The following SLC4A7 variants were observed in gnomAD, a reference collection of about 807,000 sequenced individuals.
The protein encoded by SLC4A7 is sodium bicarbonate cotransporter 3.
A neutral mutation model predicts 137.6 loss-of-function variants in SLC4A7; 51 were observed. The ratio of observed to expected loss-of-function variants is 0.37; its 90% confidence interval spans 0.30 to 0.47. The LOEUF (loss-of-function observed/expected upper bound fraction) is 0.47. Among genes scored for constraint, SLC4A7 ranks in the 20% least tolerant of loss-of-function variants. The pLI is 1.00. For missense variants in SLC4A7, 1,247 were observed against 1,525.4 expected (o/e 0.82, Z 3.04); for synonymous variants, 542 against 518.6 (o/e 1.05, Z -0.61).
In SLC4A7 at chr3:27,374,500, C is replaced by T. The variant is rs1415910047; in HGVS notation, c.*2264G>A. On this transcript the variant is annotated 3_prime_UTR_variant, in exon 26 of 26. Coordinates refer to ENST00000454389, the MANE Select transcript of SLC4A7 (RefSeq NM_001321103.2). ...AAAAACAGTGGAAGAAATATAATCA[C>T]TTAAAACAAGCAGTTAATTACCTAA... 6.6e-6 allele frequency: 1 copy of T among 152,438 alleles called. No homozygotes were observed. Among genetic ancestry groups the T allele is most frequent in the Non-Finnish European group, 1.5e-5 (1 of 67,914 alleles). 9.4% of individuals were successfully genotyped at this position (152,438 alleles called of 1,614,324 possible).
chr3:27,426,074 T>C (rs1220814967), intron 7 of SLC4A7, among the ~76,000 whole-genome samples: 1 of 152,206 alleles, frequency 6.6e-6, no homozygotes, highest in Admixed American at 6.5e-5. Context: ...CAGAATATAC[T>C]ATAACCAATG....
Position 27,411,707 on chromosome 3 carries a change from G to A in SLC4A7, c.1701C>T (p.Pro567=). 2.6e-6 allele frequency: 4 copies of A among 1,559,868 alleles called. No homozygotes were observed. The highest frequency in any genetic ancestry group is 3.5e-6 in the Non-Finnish European group (4 of 1,149,738). ...CCTCTTTAGGAGTCTCACCCAGTGT[G>A]GGGGTAGATCCATTGTGAAACACAG... is the stretch of plus-strand genomic sequence containing the variant. The part of the protein sequence containing the change: ...KIPVFHNGST[P]TLGETPKEAA... The change falls in exon 12 of 26, where the codon CCC becomes CCT. Residue 567 remains proline (P), a synonymous_variant. Transcript: ENST00000454389.
intron 1 of SLC4A7, among the ~76,000 whole-genome samples, chr3:27,479,557 T>C (rs9847128): frequency 0.15 from 23,557 of 152,178 alleles, 1,978 homozygotes; most frequent in African/African-American, 0.24. Flanking sequence ...TTAAGGAAGA[T>C]TGTCAACAGC....
Position 27,438,023 on chromosome 3 carries a change from C to T in SLC4A7, c.290-497G>A, listed in dbSNP as rs2056876120. Among the ~76,000 whole-genome samples, 3 of 152,170 alleles carry T rather than the reference C, an allele frequency of 2.0e-5. No individual in the cohort carries two copies. The South Asian group carries it at 6.2e-4, about 32-fold the overall frequency. ...ACCAGCCTAGCCAACATGGTGAAACCCCGTCTCTACTAAAAATATAAAAAT... is the reference window on the plus strand; with the variant it reads ...ACCAGCCTAGCCAACATGGTGAAACTCCGTCTCTACTAAAAATATAAAAAT... On this transcript the variant is annotated intron_variant, in intron 3 of 25. Coordinates refer to ENST00000454389, the MANE Select transcript of SLC4A7 (RefSeq NM_001321103.2).
chr3:27,392,317 A>G (rs2051646513), intron 20 of SLC4A7, among the ~76,000 whole-genome samples: 1 of 152,220 alleles, frequency 6.6e-6, no homozygotes, highest in South Asian at 2.1e-4. Context: ...AACTGTCTAC[A>G]CAGTTCACAC....
chr3:27,457,213 C>G (rs1000663996), intron 1 of SLC4A7, among the ~76,000 whole-genome samples: 1 of 151,968 alleles, frequency 6.6e-6, no homozygotes, highest in African/African-American at 2.4e-5. Flanking sequence ...AGGATTAAAA[C>G]AGAAAACTTC....
chr3:27,452,439 C>T lies in SLC4A7; in HGVS notation c.120G>A (p.Lys40=). 5 of 1,603,880 alleles carry T rather than the reference C, an allele frequency of 3.1e-6. No homozygotes were observed. In the South Asian group the frequency reaches 3.4e-5, roughly 11 times the overall value. The part of the protein sequence containing the change: ...LGKTSSTVNT[K]FEKEELESHR... ...TACTTTCTAGTTCTTCTTTTTCAAA[C>T]TTGGTGTTCACAGTTGAGCTAGTTT... is the stretch of plus-strand genomic sequence containing the variant. The change falls in exon 2 of 26, where the codon AAG becomes AAA. Residue 40 remains lysine, a synonymous_variant. Transcript: ENST00000454389.
chr3:27,386,809 A>T lies in SLC4A7; in HGVS notation c.3361-786T>A, dbSNP rs143382430. 1.8e-4 allele frequency among the ~76,000 whole-genome samples: 27 copies of T among 152,168 alleles called. No homozygotes were observed. The East Asian group carries it at 5.0e-3, about 28-fold the overall frequency. ...AGTCCCAATCAATGGATTATACAAT[A>T]CTCTTTTACATTTTCCACTACAATT... On this transcript the variant is annotated intron_variant, in intron 22 of 25. Coordinates refer to ENST00000454389, the MANE Select transcript of SLC4A7 (RefSeq NM_001321103.2).
chr3:27,468,982 C>T (rs2059125167), intron 1 of SLC4A7, among the ~76,000 whole-genome samples: 2 of 152,038 alleles, frequency 1.3e-5, no homozygotes, highest in South Asian at 2.1e-4. Context: ...TGGCACACAC[C>T]TGTAATCCCA....
chr3:27,394,097 C>A (rs2051884428), intron 20 of SLC4A7, among the ~76,000 whole-genome samples: 1 of 152,168 alleles, frequency 6.6e-6, no homozygotes, highest in Admixed American at 6.5e-5. Context: ...CGGCTCACTG[C>A]AGCCTTGACC....
chr3:27,383,030 C>T, intron 24 of SLC4A7, 123 bp downstream of exon 24: 2 of 642,772 alleles, frequency 3.1e-6, no homozygotes, highest in South Asian at 2.1e-5. Flanking sequence ...TTAGTTGATA[C>T]ACCATATGCA....
intron 1 of SLC4A7, among the ~76,000 whole-genome samples, chr3:27,468,019 G>T (rs546364031): frequency 2.0e-5 from 3 of 152,180 alleles, no homozygotes; most frequent in Admixed American, 6.5e-5. Context: ...ATCCTCTCAG[G>T]TTCAAGAGAT....
intron 25 of SLC4A7, among the ~76,000 whole-genome samples, chr3:27,377,449 A>G (rs988298200): frequency 5.3e-5 from 8 of 152,050 alleles, no homozygotes; most frequent in South Asian, 2.1e-4. Context: ...CTGGAGTGCA[A>G]TGGCACAATC....
rs1000300156 is a variant in SLC4A7 at position 27,374,119 on chromosome 3, G to A, written c.*2645C>T. ...GATTGAAACAGCATTCAGAAAAAAA[G>A]TACATTTCAGATGGTCAGCATCAGG... On this transcript the variant is annotated 3_prime_UTR_variant, in exon 26 of 26. Transcript: ENST00000454389. 5 of 152,450 alleles carry A rather than the reference G, an allele frequency of 3.3e-5. No homozygotes were observed. Among genetic ancestry groups the A allele is most frequent in the African/African-American group, 1.2e-4 (5 of 41,428 alleles). The allele number at this position is 152,450 out of a possible 1,614,324, so 9.4% of individuals were successfully genotyped here.
intron 24 of SLC4A7, among the ~76,000 whole-genome samples, chr3:27,381,440 G>A (rs2050404708): frequency 6.6e-6 from 1 of 152,138 alleles, no homozygotes; most frequent in South Asian, 2.1e-4. Flanking sequence ...CTAGAACCCA[G>A]CAAAGCAGAT....
chr3:27,412,021 T>C (rs956307936), intron 11 of SLC4A7, among the ~76,000 whole-genome samples: 6 of 152,294 alleles, frequency 3.9e-5, no homozygotes, highest in African/African-American at 1.2e-4. Context: ...TATTCATACA[T>C]ACCATTTCAA....
At chr3:27,419,267 T>A (rs907459790) in intron 10 of SLC4A7, among the ~76,000 whole-genome samples, 2 of 151,762 alleles carry the variant, frequency 1.3e-5, no homozygotes, top group African/African-American at 4.8e-5. Flanking sequence ...GCCAGGAAAA[T>A]TCTCTTAAAG....
chr3:27,472,208 T>C (rs1311324612), intron 1 of SLC4A7, among the ~76,000 whole-genome samples: 1 of 152,248 alleles, frequency 6.6e-6, no homozygotes, highest in African/African-American at 2.4e-5. Flanking sequence ...CCAATGCAAT[T>C]AGCAGATGAT....
chr3:27,478,191 T>C (rs2059544904), intron 1 of SLC4A7, among the ~76,000 whole-genome samples: 1 of 140,550 alleles, frequency 7.1e-6, no homozygotes, highest in Non-Finnish European at 1.6e-5. Flanking sequence ...TAAAATTCTC[T>C]GAAAAATGAG....
Sources: allele counts gnomAD v4.1 joint callset (sites outside exome capture counted in the v4.1 genomes callset), GRCh38; gene constraint gnomAD v4.1.1; transcripts MANE v1.5; gene names NCBI Gene and HGNC (gene_info 2026-07-23, HGNC 2026-07-21).